HAT1: variants seen among roughly 807,000 people sequenced by gnomAD.
The protein encoded by HAT1 is histone acetyltransferase 1, also known as histone acetyltransferase type B catalytic subunit.
Under a neutral mutation model 56.6 loss-of-function variants are expected in HAT1, and 20 were observed. The observed-to-expected ratio is 0.35, with a 90% confidence interval of 0.25 to 0.51. The LOEUF (loss-of-function observed/expected upper bound fraction) is 0.51. HAT1 is among the 20% of genes least tolerant of loss of function. HAT1 has a pLI of 0.95. For missense variants in HAT1, 408 were observed against 504.3 expected (o/e 0.81, Z 1.83); for synonymous variants, 146 against 165.5 (o/e 0.88, Z 0.91).
chr2:171,962,754 T>A (rs922689056), intron 4 of HAT1, among the ~76,000 whole-genome samples: 4 of 152,202 alleles, frequency 2.6e-5, no homozygotes, highest in African/African-American at 9.6e-5. Context: ...GTCAGCTGAA[T>A]TTCTTACCCT....
chr2:171,937,746 A>G (rs940923210), intron 2 of HAT1, among the ~76,000 whole-genome samples: 1 of 152,176 alleles, frequency 6.6e-6, no homozygotes, highest in Non-Finnish European at 1.5e-5. Flanking sequence ...AAGTAGCATG[A>G]TGGTTAATTA....
At chr2:171,974,860 A>G (rs1029222784) in intron 8 of HAT1, among the ~76,000 whole-genome samples, 6 of 152,182 alleles carry the variant, frequency 3.9e-5, no homozygotes, top group Admixed American at 1.3e-4. Context: ...AACATGGTAT[A>G]TTACATTAAT....
chr2:171,958,903 G>A (rs1272717315), intron 4 of HAT1, among the ~76,000 whole-genome samples: 2 of 152,106 alleles, frequency 1.3e-5, no homozygotes, highest in Admixed American at 6.5e-5. Flanking sequence ...AATATGAATT[G>A]TGCATAGCAT....
chr2:171,977,541 ATATATATATATATATATTTTT>A (rs1178137116), intron 9 of HAT1, among the ~76,000 whole-genome samples: 10 of 43,764 alleles, frequency 2.3e-4, no homozygotes, highest in African/African-American at 3.4e-4. Flanking sequence ...ATATATATAT[ATATATATATATATATATTTTT>A]TTTTTTTTTT....
At chr2:171,923,247 A>G (rs1686489348) in intron 1 of HAT1, 2 of 151,802 alleles carry the variant, frequency 1.3e-5, no homozygotes, top group South Asian at 4.1e-4. Context: ...ATTTTTTTCG[A>G]TTACTTATCT....
At chr2:171,958,099 T>G (rs1211020079) in intron 4 of HAT1, among the ~76,000 whole-genome samples, 1 of 152,180 alleles carries the variant, frequency 6.6e-6, no homozygotes, top group African/African-American at 2.4e-5. Flanking sequence ...TTACTGGAAC[T>G]GACTTACTTG....
intron 9 of HAT1, 86 bp downstream of exon 9, chr2:171,976,394 A>G (rs1275157673): frequency 1.5e-6 from 1 of 669,028 alleles, no homozygotes; most frequent in Non-Finnish European, 2.3e-6. Flanking sequence ...TTATAAAGAC[A>G]TTAAGAATAC....
intron 9 of HAT1, among the ~76,000 whole-genome samples, chr2:171,977,539 ATATATATATATATATATATTT>A (rs1274588429): frequency 3.2e-4 from 9 of 28,082 alleles, no homozygotes; most frequent in Non-Finnish European, 7.5e-4. Flanking sequence ...ATATATATAT[ATATATATATATATATATATTT>A]TTTTTTTTTT....
chr2:171,979,775 C>G (rs903733667), intron 10 of HAT1: 1 of 154,508 alleles, frequency 6.5e-6, no homozygotes, highest in Admixed American at 6.5e-5. Context: ...CCATTGCACT[C>G]CAGCCTGGGT....
chr2:171,977,785 C>T (rs1253054289), intron 9 of HAT1, among the ~76,000 whole-genome samples: 1 of 151,248 alleles, frequency 6.6e-6, no homozygotes, highest in Non-Finnish European at 1.5e-5. Context: ...TATTCCTTTA[C>T]ATATTCTGTT....
At chr2:171,935,482 T>C (rs914446811) in intron 2 of HAT1, among the ~76,000 whole-genome samples, 3 of 123,258 alleles carry the variant, frequency 2.4e-5, no homozygotes, top group Non-Finnish European at 4.7e-5. Flanking sequence ...GCCATTGCAC[T>C]CCAGCCTGGG....
intron 7 of HAT1, 110 bp downstream of exon 7, chr2:171,966,623 T>C (rs748881035): frequency 1.4e-6 from 1 of 690,748 alleles, no homozygotes; most frequent in Admixed American, 2.3e-5. Context: ...AAAATCACTA[T>C]TATTCATGGG....
intron 8 of HAT1, among the ~76,000 whole-genome samples, chr2:171,969,422 G>A (rs1486302749): frequency 6.6e-6 from 1 of 151,988 alleles, no homozygotes; most frequent in African/African-American, 2.4e-5. Context: ...TAATATGTAT[G>A]TTAATATGAG....
At chr2:171,982,522 A>G (rs1688157336) in intron 10 of HAT1, among the ~76,000 whole-genome samples, 3 of 152,108 alleles carry the variant, frequency 2.0e-5, no homozygotes. Context: ...CCCATCCTAA[A>G]CATCTCTGAC....
At chr2:171,962,317 C>T (rs1687594629) in intron 4 of HAT1, among the ~76,000 whole-genome samples, 1 of 152,164 alleles carries the variant, frequency 6.6e-6, no homozygotes. Context: ...TTTGCACTTT[C>T]CTTTTTAAAA....
At chr2:171,931,770 TG>T (rs1686754317) in intron 2 of HAT1, among the ~76,000 whole-genome samples, 1 of 152,206 alleles carries the variant, frequency 6.6e-6, no homozygotes, top group Non-Finnish European at 1.5e-5. Flanking sequence ...CGTAATTGGT[TG>T]AATCAGTGGA....
intron 1 of HAT1, 47 bp from the exon 2 acceptor site, chr2:171,925,490 A>G (rs761606039): frequency 3.7e-5 from 31 of 848,842 alleles, no homozygotes; most frequent in East Asian, 1.2e-4. Flanking sequence ...AGGTTTGACA[A>G]TTTAAGTCAC....
chr2:171,947,870 C>T lies in HAT1; in HGVS notation c.188+1087C>T, dbSNP rs184543054. 1.6e-3 allele frequency among the ~76,000 whole-genome samples: 243 copies of T among 152,246 alleles called. 4 individuals are homozygous for T. The highest frequency in any genetic ancestry group is 1.1e-3 in the Non-Finnish European group (76 of 68,014). On this transcript the variant is annotated intron_variant, in intron 3 of 10. Coordinates refer to ENST00000264108, the MANE Select transcript of HAT1 (RefSeq NM_003642.4). ...CTCCAGCCTGTGCGACAGAGCGAGA[C>T]TGTCTCAAAAAAACAAAAACAAAAT...
intron 8 of HAT1, among the ~76,000 whole-genome samples, chr2:171,969,573 G>A (rs1687764227): frequency 6.6e-6 from 1 of 152,122 alleles, no homozygotes; most frequent in African/African-American, 2.4e-5. Flanking sequence ...TAGAAACAAA[G>A]GAATTGAAGG....
Sources: allele counts gnomAD v4.1 joint callset (sites outside exome capture counted in the v4.1 genomes callset), GRCh38; gene constraint gnomAD v4.1.1; transcripts MANE v1.5; gene names NCBI Gene and HGNC (gene_info 2026-07-23, HGNC 2026-07-21).